Variants in CDH13 observed in about 807,000 individuals in gnomAD.
The protein encoded by CDH13 is cadherin 13, also known as cadherin-13.
A neutral mutation model predicts 63.8 loss-of-function variants in CDH13; 24 were observed. The ratio of observed to expected loss-of-function variants is 0.38; its 90% CI spans 0.27 to 0.53. CDH13 has a LOEUF of 0.53. Among genes scored for constraint, CDH13 ranks in the 20% least tolerant of loss-of-function variants. The pLI, the probability that CDH13 is intolerant of heterozygous loss-of-function variation, is 0.85. For missense variants in CDH13, 1,049 were observed against 903.1 expected, an observed-to-expected ratio of 1.16 and a Z score of -2.07; for synonymous variants, 503 against 355.3, an observed-to-expected ratio of 1.42 and a Z score of -4.67.
intron 6 of CDH13, among the ~76,000 whole-genome samples, chr16:83,391,453 C>G (rs979496586): frequency 6.6e-6 from 1 of 152,182 alleles, no homozygotes; most frequent in African/African-American, 2.4e-5. Context: ...ATCCGCCCGC[C>G]TCAGCCTCCC....
chr16:83,392,124 C>T (rs889268418), intron 6 of CDH13, among the ~76,000 whole-genome samples: 2 of 152,158 alleles, frequency 1.3e-5, no homozygotes, highest in African/African-American at 4.8e-5. Flanking sequence ...CCTATACACA[C>T]TGATCTTCTG....
chr16:83,614,745 T>G (rs1367996374), intron 8 of CDH13, among the ~76,000 whole-genome samples: 1 of 152,176 alleles, frequency 6.6e-6, no homozygotes, highest in Non-Finnish European at 1.5e-5. Flanking sequence ...ATCTGGAGTA[T>G]CAGGAAAATA....
intron 5 of CDH13, among the ~76,000 whole-genome samples, chr16:83,339,456 CT>C (rs1325552196): frequency 6.6e-6 from 1 of 152,114 alleles, no homozygotes; most frequent in Non-Finnish European, 1.5e-5. Context: ...TAATATTTGA[CT>C]TCAGACTCAG....
At chr16:83,731,080 T>C (rs1174443106) in intron 10 of CDH13, among the ~76,000 whole-genome samples, 1 of 152,252 alleles carries the variant, frequency 6.6e-6, no homozygotes, top group African/African-American at 2.4e-5. Context: ...AGCACCTGGA[T>C]TGGTTCCTTG....
At chr16:82,826,721 C>G (rs1158596496) in intron 1 of CDH13, 1 of 152,096 alleles carries the variant, frequency 6.6e-6, no homozygotes, top group Non-Finnish European at 1.5e-5. Flanking sequence ...GTTCCATAAG[C>G]TTTTTTGATT....
intron 5 of CDH13, among the ~76,000 whole-genome samples, chr16:83,321,971 A>G (rs2090237879): frequency 6.6e-6 from 1 of 152,242 alleles, no homozygotes; most frequent in Non-Finnish European, 1.5e-5. Context: ...GTTCAGAGCC[A>G]GAGTGAGATG....
intron 2 of CDH13, among the ~76,000 whole-genome samples, chr16:82,861,054 A>G (rs2039924161): frequency 6.6e-6 from 1 of 152,240 alleles, no homozygotes; most frequent in Non-Finnish European, 1.5e-5. Context: ...CTCTACTGGC[A>G]CAAGGCTAAA....
chr16:83,266,117 A>G (rs1907590818), intron 5 of CDH13, among the ~76,000 whole-genome samples: 4 of 151,932 alleles, frequency 2.6e-5, no homozygotes, highest in Admixed American at 2.6e-4. Flanking sequence ...TTGTGTTTTT[A>G]GTAGAGACGG....
At chr16:83,598,241 T>C (rs900859511) in intron 7 of CDH13, among the ~76,000 whole-genome samples, 2 of 152,038 alleles carry the variant, frequency 1.3e-5, no homozygotes, top group African/African-American at 4.8e-5. Flanking sequence ...GGCGTGTGAT[T>C]ATAGTCCCAG....
At chr16:83,155,344 C>T (rs769500206) in intron 4 of CDH13, among the ~76,000 whole-genome samples, 15 of 152,130 alleles carry the variant, frequency 9.9e-5, no homozygotes, top group Non-Finnish European at 1.9e-4. Flanking sequence ...TTAAATGGCC[C>T]TTAAATTGTC....
At chr16:83,078,104 G>A (rs891757209) in intron 3 of CDH13, among the ~76,000 whole-genome samples, 3 of 152,170 alleles carry the variant, frequency 2.0e-5, no homozygotes, top group African/African-American at 7.2e-5. Context: ...AGGGATACCT[G>A]GAGACTGCTC....
At chr16:83,541,256 A>G (rs910049137) in intron 7 of CDH13, among the ~76,000 whole-genome samples, 23 of 152,176 alleles carry the variant, frequency 1.5e-4, no homozygotes, top group Admixed American at 1.4e-3. Flanking sequence ...AGGTTTTAAC[A>G]TGTCATAATA....
chr16:83,537,165 G>T (rs2075207418), intron 7 of CDH13, among the ~76,000 whole-genome samples: 1 of 152,196 alleles, frequency 6.6e-6, no homozygotes, highest in African/African-American at 2.4e-5. Context: ...CATTTCATTT[G>T]ATATGTCTCA....
chr16:82,789,611 G>T (rs8054286), intron 1 of CDH13, among the ~76,000 whole-genome samples: 6 of 152,104 alleles, frequency 3.9e-5, no homozygotes, highest in African/African-American at 1.4e-4. Flanking sequence ...AGGTCCATTG[G>T]GCAGGACACA....
At position 83,420,470 on chromosome 16, in the gene CDH13, A is replaced by G. The variant is rs538267011; in HGVS notation, c.782-66007A>G. Among the ~76,000 whole-genome samples the G allele has an allele frequency of 2.0e-5, 3 of 152,294 alleles. No individual in the cohort carries two copies. In the South Asian group the frequency reaches 6.2e-4, roughly 32 times the overall value. On this transcript the variant is annotated intron_variant, in intron 6 of 13. Coordinates refer to ENST00000567109, the MANE Select transcript of CDH13 (RefSeq NM_001257.5). ...ATCTCTGGGCAGAGACCACAGGAGT[A>G]TTTTGGTAGCTGTGCTCTCTCTCGT...
intron 3 of CDH13, among the ~76,000 whole-genome samples, chr16:83,091,417 C>T (rs559505753): frequency 6.6e-6 from 1 of 152,304 alleles, no homozygotes; most frequent in Admixed American, 6.5e-5. Flanking sequence ...GAGATGTTGC[C>T]ATTCTCTATG....
At position 82,963,208 on chromosome 16, in the gene CDH13, TA is replaced by T. The variant is rs1907288259; in HGVS notation, c.158-68797del. On this transcript the variant is annotated intron_variant, in intron 2 of 13. Coordinates refer to ENST00000567109, the MANE Select transcript of CDH13 (RefSeq NM_001257.5). ...CAACATGGTGAAACCCCATCTCTACTAAAAATACAAAAAAAAAAAAAATTGC... is the reference window on the plus strand; with the variant it reads ...CAACATGGTGAAACCCCATCTCTACTAAAATACAAAAAAAAAAAAAATTGC... Among the ~76,000 whole-genome samples, 7 of 117,878 alleles carry T rather than the reference TA, an allele frequency of 5.9e-5. No individual in the cohort carries two copies. The South Asian group carries it at 1.8e-3, about 31-fold the overall frequency. The allele number at this position is 117,878 out of a possible 152,430, so 77.3% of individuals were successfully genotyped here.
chr16:83,052,806 A>G (rs2030512773), intron 3 of CDH13, among the ~76,000 whole-genome samples: 1 of 147,078 alleles, frequency 6.8e-6, no homozygotes. Flanking sequence ...AAAAAAAAAG[A>G]AAGAAATTAA....
chr16:83,760,372 A>G (rs888852952), intron 11 of CDH13, among the ~76,000 whole-genome samples: 1 of 152,234 alleles, frequency 6.6e-6, no homozygotes, highest in African/African-American at 2.4e-5. Flanking sequence ...TCCAACAGAA[A>G]TGTGTTCCCC....
Sources: allele counts gnomAD v4.1 joint callset (sites outside exome capture counted in the v4.1 genomes callset), GRCh38; gene constraint gnomAD v4.1.1; transcripts MANE v1.5; gene names NCBI Gene and HGNC (gene_info 2026-07-23, HGNC 2026-07-21).